UGT1A7: variants seen among roughly 807,000 people sequenced by gnomAD.
UGT1A7 encodes UDP glucuronosyltransferase family 1 member A7.
A neutral mutation model predicts 45.6 loss-of-function variants in UGT1A7; 33 were observed. The observed-to-expected ratio is 0.72, with a 90% confidence interval of 0.55 to 0.97. The LOEUF (loss-of-function observed/expected upper bound fraction) is 0.97. Ranked by LOEUF, UGT1A7 falls within the 50% of genes least tolerant of loss-of-function variation. The pLI is 0.00. For synonymous variants in UGT1A7, 274 were observed against 250.6 expected (o/e 1.09, Z -0.88); for missense variants, 684 against 666.2 (o/e 1.03, Z -0.29).
At position 233,769,843 on chromosome 2, in the gene UGT1A7, G is replaced by T; in HGVS notation, c.1295+1404G>T. On this transcript the variant is annotated intron_variant, in intron 4 of 4. Transcript: ENST00000373426. The surrounding 1 kb of genome is among the most constrained non-coding windows in gnomAD (Gnocchi z 4.4). ...GCACTCCAGCAACCTGGGCAACAGA[G>T]TGAGACCCTGTCTCAAAAAAAAAAA... 9 of 506,258 alleles carry T rather than the reference G, an allele frequency of 1.8e-5. No individual in the cohort carries two copies. The highest frequency in any genetic ancestry group is 4.7e-5 in the South Asian group (1 of 21,142). The allele number at this position is 506,258 out of a possible 1,614,324, so 31.4% of individuals were successfully genotyped here.
intron 1 of UGT1A7, chr2:233,743,283 G>A: frequency 2.0e-6 from 1 of 501,770 alleles, no homozygotes. Context: ...CCCTTTCTTG[G>A]CCATTCTCAA....
chr2:233,702,895 A>C (rs2075712942), intron 1 of UGT1A7, among the ~76,000 whole-genome samples: 1 of 152,172 alleles, frequency 6.6e-6, no homozygotes, highest in Non-Finnish European at 1.5e-5. Flanking sequence ...TCATATCCAT[A>C]AGAGATATTG....
chr2:233,710,097 A>G (rs530644848), intron 1 of UGT1A7, among the ~76,000 whole-genome samples: 1 of 152,334 alleles, frequency 6.6e-6, no homozygotes, highest in South Asian at 2.1e-4. Flanking sequence ...TGCATGTATC[A>G]ATATTTCATT....
At position 233,748,031 on chromosome 2, in the gene UGT1A7, G is replaced by A. The variant is rs1285076078; in HGVS notation, c.856-19003G>A. On this transcript the variant is annotated intron_variant, in intron 1 of 4. Transcript: ENST00000373426. ...ACCCCAGGCCGATCATGCCCAACAT[G>A]GTCTTCATTGGGGGCATCAACTGTG... The A allele has an allele frequency of 3.1e-6, 5 of 1,613,428 alleles. No homozygotes were observed. The African/African-American group carries it at 6.7e-5, about 22-fold the overall frequency.
chr2:233,740,208 A>G (rs1691334030), intron 1 of UGT1A7, among the ~76,000 whole-genome samples: 1 of 151,862 alleles, frequency 6.6e-6, no homozygotes, highest in Admixed American at 6.5e-5. Flanking sequence ...TAAATTACCC[A>G]GTCTCAGCTG....
rs4124874 is a variant in UGT1A7, at chr2:233,757,013, T to G, written c.856-10021T>G. On this transcript the variant is annotated intron_variant, in intron 1 of 4. Coordinates refer to ENST00000373426, the MANE Select transcript of UGT1A7 (RefSeq NM_019077.3). ...AAGCTGGCCAAGGGTAGAGTTCAGT[T>G]TGAACAAAGCAATTTGAGAACATCA... Among the ~76,000 whole-genome samples the G allele has an allele frequency of 0.56, 83,838 of 151,034 alleles. 25,476 individuals are homozygous for G. The highest frequency in any genetic ancestry group is 0.82 in the African/African-American group (33,726 of 41,116).
In UGT1A7 at chr2:233,772,443, T is replaced by A; in HGVS notation, c.1477T>A (p.Leu493Met). 6.2e-7 allele frequency: 1 copy of A among 1,614,238 alleles called. No homozygotes were observed. The highest frequency in any genetic ancestry group is 8.5e-7 in the Non-Finnish European group (1 of 1,180,046). ...YHSLDVIGFLLAVVLTVAFIT... is the reference protein window; with the variant it reads ...YHSLDVIGFLMAVVLTVAFIT... ...TTCCTTGGACGTGATTGGTTTCCTCTTGGCCGTCGTGCTGACAGTGGCCTT... is the reference window on the plus strand; with the variant it reads ...TTCCTTGGACGTGATTGGTTTCCTCATGGCCGTCGTGCTGACAGTGGCCTT... Residue 493 changes from leucine (L) to methionine (M), a missense_variant, in exon 5 of 5, where the codon TTG becomes ATG. Coordinates refer to ENST00000373426, the MANE Select transcript of UGT1A7 (RefSeq NM_019077.3).
intron 1 of UGT1A7, among the ~76,000 whole-genome samples, chr2:233,749,644 T>C (rs1173811229): frequency 2.6e-5 from 4 of 151,860 alleles, no homozygotes; most frequent in Non-Finnish European, 5.9e-5. Flanking sequence ...CCAAATCTCA[T>C]CTTGAATTGT....
intron 1 of UGT1A7, chr2:233,721,841 T>A (rs1420005948): frequency 1.9e-6 from 1 of 515,702 alleles, no homozygotes; most frequent in East Asian, 5.5e-5. Context: ...CGACCTTGTG[T>A]CCAGCCCCAC....
intron 1 of UGT1A7, among the ~76,000 whole-genome samples, chr2:233,698,757 T>C (rs555801877): frequency 6.6e-6 from 1 of 152,354 alleles, no homozygotes; most frequent in South Asian, 2.1e-4. Context: ...AATGCTATGA[T>C]TCAGAAAGAA....
intron 1 of UGT1A7, among the ~76,000 whole-genome samples, chr2:233,709,536 G>C (rs1018378617): frequency 1.3e-5 from 2 of 152,044 alleles, no homozygotes; most frequent in Admixed American, 1.3e-4. Flanking sequence ...TTCCTACTGT[G>C]ATATATGTAA....
At chr2:233,761,797 A>G (rs570450259) in intron 1 of UGT1A7, among the ~76,000 whole-genome samples, 2 of 152,324 alleles carry the variant, frequency 1.3e-5, no homozygotes, top group South Asian at 2.1e-4. Context: ...TCAGCAGAGG[A>G]TAGAAAAGAA....
intron 1 of UGT1A7, chr2:233,747,116 T>G: frequency 6.9e-7 from 1 of 1,446,720 alleles, no homozygotes; most frequent in South Asian, 1.3e-5. Context: ...CATGATGATT[T>G]GCTAAGTGGC....
At chr2:233,761,081 C>T in intron 1 of UGT1A7, 2 of 1,614,180 alleles carry the variant, frequency 1.2e-6, no homozygotes, top group Non-Finnish European at 1.7e-6. Flanking sequence ...AAGGATTACC[C>T]TAGGCCCATC....
intron 1 of UGT1A7, chr2:233,692,718 T>G: frequency 2.5e-6 from 2 of 787,046 alleles, no homozygotes; most frequent in East Asian, 4.8e-5. Context: ...TTCAAAGTGT[T>G]GCTATAACTT....
At chr2:233,767,759 AG>A in intron 2 of UGT1A7, 89 bp from the exon 3 acceptor site, 5 of 1,604,854 alleles carry the variant, frequency 3.1e-6, no homozygotes, top group Non-Finnish European at 4.3e-6. Flanking sequence ...GTTCCTTCAG[AG>A]GACCCCTGTT....
chr2:233,682,918 C>A (rs2074606879), intron 1 of UGT1A7, 126 bp downstream of exon 1: 2 of 1,480,400 alleles, frequency 1.4e-6, no homozygotes, highest in Non-Finnish European at 1.8e-6. Flanking sequence ...TTAAGGAATT[C>A]TTTTGTACCA....
intron 1 of UGT1A7, among the ~76,000 whole-genome samples, chr2:233,751,545 C>T (rs562388554): frequency 7.0e-4 from 106 of 152,320 alleles, no homozygotes; most frequent in Non-Finnish European, 1.4e-3. Context: ...TGTGTTTCCA[C>T]CCAAATCTCA....
At chr2:233,748,709 G>T (rs1302757653) in intron 1 of UGT1A7, among the ~76,000 whole-genome samples, 2 of 151,634 alleles carry the variant, frequency 1.3e-5, no homozygotes, top group East Asian at 3.9e-4. Flanking sequence ...AGGATTTGGG[G>T]TCTGGTGCAT....
Sources: gnomAD v4.1 joint callset for allele counts (sites outside exome capture counted in the v4.1 genomes callset) on GRCh38, gnomAD v4.1.1 for gene constraint, Gnocchi (gnomAD v3.1) non-coding constraint, MANE v1.5 for transcripts, NCBI Gene and HGNC (gene_info 2026-07-23, HGNC 2026-07-21) for gene names.